The following C6 variants were observed in gnomAD, a reference collection of about 807,000 sequenced individuals.
C6 encodes the protein complement C6.
C6 carries 101 observed loss-of-function variants against 112.9 expected under a neutral mutation model. The observed-to-expected ratio is 0.89, with a 90% CI of 0.76 to 1.06. C6 has a LOEUF of 1.06. C6 is among the 50% of genes least tolerant of loss of function. The probability of loss-of-function intolerance (pLI) is 0.00; values close to 1 mark genes in which losing one functional copy is unlikely to be tolerated. For synonymous variants in C6, 431 were observed against 384.1 expected (o/e 1.12, Z -1.43); for missense variants, 1,202 against 1,104.6 (o/e 1.09, Z -1.25).
intron 9 of C6, among the ~76,000 whole-genome samples, chr5:41,170,324 C>T (rs1001168639): frequency 6.6e-6 from 1 of 151,554 alleles, no homozygotes; most frequent in Non-Finnish European, 1.5e-5. Context: ...TATATTTTGT[C>T]CTTGCATTGT....
chr5:41,188,734 T>C (rs192551600), intron 5 of C6, among the ~76,000 whole-genome samples: 161 of 152,110 alleles, frequency 1.1e-3, no homozygotes, highest in African/African-American at 3.9e-3. Context: ...AGATATGACA[T>C]TAAAAGCACA....
chr5:41,205,760 G>A (rs181066006), intron 1 of C6, among the ~76,000 whole-genome samples: 22 of 152,292 alleles, frequency 1.4e-4, no homozygotes, highest in African/African-American at 2.2e-4. Flanking sequence ...GCTCAAGGAG[G>A]CCTGCCTGCC....
At chr5:41,190,692 G>C (rs1750127893) in intron 5 of C6, among the ~76,000 whole-genome samples, 1 of 152,008 alleles carries the variant, frequency 6.6e-6, no homozygotes. Flanking sequence ...ATGTTCTAAG[G>C]GTTTTCCCCT....
chr5:41,146,014 TTC>T (rs1745786992), intron 17 of C6, among the ~76,000 whole-genome samples: 1 of 152,340 alleles, frequency 6.6e-6, no homozygotes, highest in Admixed American at 6.5e-5. Context: ...CAGAAGATAT[TTC>T]TCTCTCTTAA....
chr5:41,169,378 G>A (rs1437970865), intron 9 of C6, among the ~76,000 whole-genome samples: 1 of 151,990 alleles, frequency 6.6e-6, no homozygotes, highest in Non-Finnish European at 1.5e-5. Context: ...AGCAGCAAAG[G>A]AGAAAGGTGA....
intron 5 of C6, among the ~76,000 whole-genome samples, chr5:41,191,886 G>T (rs965416260): frequency 6.6e-6 from 1 of 151,460 alleles, no homozygotes; most frequent in African/African-American, 2.4e-5. Context: ...TTCCAGTTTG[G>T]ATCCATTTAT....
chr5:41,234,364 G>GTTTTTTTTTTTTTTTT (rs70988840), intron 1 of C6, among the ~76,000 whole-genome samples: 3 of 123,008 alleles, frequency 2.4e-5, no homozygotes, highest in Non-Finnish European at 3.5e-5. Context: ...TTTGTTTTTT[G>GTTTTTTTTTTTTTTTT]TTTTTTTTTT....
chr5:41,255,484 T>C (rs997641305), intron 1 of C6, among the ~76,000 whole-genome samples: 20 of 151,912 alleles, frequency 1.3e-4, no homozygotes, highest in African/African-American at 3.9e-4. Flanking sequence ...GGCTTACTTA[T>C]AGGAAATATA....
At chr5:41,260,509 C>T (rs1049471851) in intron 1 of C6, among the ~76,000 whole-genome samples, 1 of 148,128 alleles carries the variant, frequency 6.8e-6, no homozygotes, top group Non-Finnish European at 1.5e-5. Context: ...GTGGCTCATG[C>T]TTGTAATCCC....
intron 1 of C6, among the ~76,000 whole-genome samples, chr5:41,223,319 A>G (rs913765283): frequency 2.0e-5 from 3 of 152,184 alleles, no homozygotes; most frequent in Admixed American, 2.0e-4. Context: ...ATAAATCTGT[A>G]CTTGAATAAA....
At chr5:41,197,203 T>C (rs1038549526) in intron 4 of C6, among the ~76,000 whole-genome samples, 12 of 152,104 alleles carry the variant, frequency 7.9e-5, no homozygotes, top group African/African-American at 1.4e-4. Flanking sequence ...GAAGGTAGAG[T>C]GTAATTAAAA....
intron 1 of C6, among the ~76,000 whole-genome samples, chr5:41,219,708 G>T (rs1477923664): frequency 6.6e-6 from 1 of 152,200 alleles, no homozygotes; most frequent in Non-Finnish European, 1.5e-5. Flanking sequence ...GACATGCTGT[G>T]TTGTCATGTA....
In C6 at chr5:41,213,438, A is replaced by T; in HGVS notation, c.-83T>A. 3.0e-6 allele frequency: 3 copies of T among 985,410 alleles called. No homozygotes were observed. The highest frequency in any genetic ancestry group is 3.6e-6 in the Non-Finnish European group (3 of 829,912). 61.0% of individuals were successfully genotyped at this position (985,410 alleles called of 1,614,324 possible). A position where few individuals can be genotyped will look rare whatever the true frequency, so the allele number is the denominator to read the frequency against. On this transcript the variant is annotated 5_prime_UTR_variant, in exon 1 of 18. Transcript: ENST00000337836. ...GCAAATTATTGGGGAAAAAATAGGT[A>T]TGCAGAATGAAGAGGGTATATATGT...
intron 4 of C6, among the ~76,000 whole-genome samples, chr5:41,197,488 T>C (rs1389630745): frequency 6.6e-6 from 1 of 152,172 alleles, no homozygotes. Flanking sequence ...TTTTAAAAAG[T>C]TTTGAACCTA....
At chr5:41,202,609 T>A (rs1580180724) in intron 2 of C6, among the ~76,000 whole-genome samples, 1 of 152,264 alleles carries the variant, frequency 6.6e-6, no homozygotes, top group East Asian at 1.9e-4. Flanking sequence ...GGACAAGAAG[T>A]CTGAATTGGT....
At chr5:41,166,862 CT>C (rs942906387) in intron 9 of C6, among the ~76,000 whole-genome samples, 2 of 152,018 alleles carry the variant, frequency 1.3e-5, no homozygotes, top group African/African-American at 4.8e-5. Flanking sequence ...TTCAAAATAG[CT>C]ATTACATCTT....
At chr5:41,145,934 C>A (rs1470636953) in intron 17 of C6, among the ~76,000 whole-genome samples, 1 of 152,160 alleles carries the variant, frequency 6.6e-6, no homozygotes, top group Non-Finnish European at 1.5e-5. Flanking sequence ...AGACCCTTCC[C>A]ACCACCTCTA....
intron 5 of C6, among the ~76,000 whole-genome samples, chr5:41,194,166 G>A (rs181335190): frequency 2.0e-5 from 3 of 152,240 alleles, no homozygotes; most frequent in South Asian, 4.2e-4. Context: ...TTTGGCTGAC[G>A]TTTTCTTGTA....
intron 9 of C6, among the ~76,000 whole-genome samples, 162 bp from the exon 10 acceptor site, chr5:41,162,021 C>G (rs1172567829): frequency 2.6e-5 from 4 of 152,100 alleles, no homozygotes; most frequent in African/African-American, 9.7e-5. Context: ...ACTCCTCCTC[C>G]CTGTAGGGAG....
Sources: allele counts gnomAD v4.1 joint callset (sites outside exome capture counted in the v4.1 genomes callset), GRCh38; gene constraint gnomAD v4.1.1; transcripts MANE v1.5; gene names NCBI Gene and HGNC (gene_info 2026-07-23, HGNC 2026-07-21).